Variants in LRMDA observed in about 807,000 individuals in gnomAD.
The protein encoded by LRMDA is leucine-rich melanocyte differentiation-associated protein.
Under a neutral mutation model 29.8 loss-of-function variants are expected in LRMDA, and 18 were observed. The ratio of observed to expected loss-of-function variants is 0.60; its 90% CI spans 0.42 to 0.90. LRMDA has a LOEUF of 0.90. Ranked by LOEUF, LRMDA falls within the 40% of genes least tolerant of loss-of-function variation. The pLI, the probability that LRMDA is intolerant of heterozygous loss-of-function variation, is 0.00. For synonymous variants in LRMDA, 125 were observed against 109.4 expected, an observed-to-expected ratio of 1.14 and a Z score of -0.89; for missense variants, 273 against 273.9, an observed-to-expected ratio of 1.00 and a Z score of 0.02.
chr10:75,998,363 G>A (rs980297898), intron 2 of LRMDA, among the ~76,000 whole-genome samples: 2 of 152,090 alleles, frequency 1.3e-5, no homozygotes, highest in African/African-American at 4.8e-5. Context: ...ATAAGTAATC[G>A]ATGGTGTGGC....
intron 2 of LRMDA, among the ~76,000 whole-genome samples, chr10:75,958,306 G>A (rs552577066): frequency 6.6e-6 from 1 of 152,314 alleles, no homozygotes; most frequent in Admixed American, 6.5e-5. Flanking sequence ...GAATAGGTCT[G>A]TAACTAGGTA....
At chr10:76,532,985 C>G (rs1843250881) in intron 6 of LRMDA, among the ~76,000 whole-genome samples, 1 of 152,052 alleles carries the variant, frequency 6.6e-6, no homozygotes, top group Non-Finnish European at 1.5e-5. Flanking sequence ...TGGTGATTCT[C>G]AGAGTTTTAT....
At chr10:76,066,270 T>C (rs993087728) in intron 5 of LRMDA, among the ~76,000 whole-genome samples, 1 of 152,184 alleles carries the variant, frequency 6.6e-6, no homozygotes, top group African/African-American at 2.4e-5. Context: ...GGCTGCCTAG[T>C]GGTACATTAG....
intron 2 of LRMDA, among the ~76,000 whole-genome samples, chr10:75,771,713 T>C (rs918682862): frequency 1.3e-5 from 2 of 152,052 alleles, no homozygotes; most frequent in African/African-American, 4.8e-5. Flanking sequence ...TTTCAGACTT[T>C]CCTTATACCT....
chr10:76,432,917 TGTGCCACCA>T (rs1290855556), intron 6 of LRMDA, among the ~76,000 whole-genome samples: 3 of 152,310 alleles, frequency 2.0e-5, no homozygotes, highest in Middle Eastern at 3.4e-3. Context: ...GGTGGCCATG[TGTGCCACCA>T]GTGCCACCAC....
intron 2 of LRMDA, among the ~76,000 whole-genome samples, chr10:75,726,300 G>A (rs1408705447): frequency 6.6e-6 from 1 of 152,170 alleles, no homozygotes; most frequent in African/African-American, 2.4e-5. Context: ...TTGCAGGTCT[G>A]GTGTCCCAGT....
rs377417584 is a variant in LRMDA at position 76,078,655 on chromosome 10, G to T, written c.516+19872G>T. On this transcript the variant is annotated intron_variant, in intron 5 of 6. Transcript: ENST00000611255. ...TCGAGACCATCCTGGCTAACACGGT[G>T]AAACCCCGTCTCTACTAAAAATACA... Among the ~76,000 whole-genome samples the T allele has an allele frequency of 2.2e-4, 33 of 152,100 alleles. No homozygotes were observed. In the East Asian group the frequency reaches 6.5e-3, roughly 30 times the overall value.
intron 1 of LRMDA, among the ~76,000 whole-genome samples, chr10:75,431,997 TCCTTCTGCCCTTAGCG>T (rs1198933711): frequency 1.3e-5 from 2 of 152,178 alleles, no homozygotes; most frequent in Non-Finnish European, 2.9e-5. Flanking sequence ...TCTCCCCACT[TCCTTCTGCCCTTAGCG>T]CCTCACTGAG....
intron 1 of LRMDA, among the ~76,000 whole-genome samples, chr10:75,434,593 A>G (rs528657980): frequency 1.4e-4 from 22 of 152,246 alleles, no homozygotes; most frequent in Non-Finnish European, 2.2e-4. Context: ...ACACTTATTT[A>G]TTTATGAATG....
intron 2 of LRMDA, among the ~76,000 whole-genome samples, chr10:75,919,918 C>T (rs770928548): frequency 6.6e-6 from 1 of 152,064 alleles, no homozygotes; most frequent in Non-Finnish European, 1.5e-5. Context: ...CCTTGATTTT[C>T]AGAAACGCAT....
At chr10:76,441,058 C>T (rs774868753) in intron 6 of LRMDA, among the ~76,000 whole-genome samples, 40 of 152,056 alleles carry the variant, frequency 2.6e-4, no homozygotes, top group African/African-American at 8.5e-4. Flanking sequence ...GTAAATCTTC[C>T]GCTTGCATTC....
At chr10:75,865,489 T>C (rs1408973838) in intron 2 of LRMDA, among the ~76,000 whole-genome samples, 1 of 152,206 alleles carries the variant, frequency 6.6e-6, no homozygotes, top group Non-Finnish European at 1.5e-5. Flanking sequence ...TCTATGGTGA[T>C]TAAAATCTAT....
intron 6 of LRMDA, among the ~76,000 whole-genome samples, chr10:76,377,706 C>T (rs1321439954): frequency 2.0e-5 from 3 of 152,128 alleles, no homozygotes; most frequent in Non-Finnish European, 4.4e-5. Flanking sequence ...GGCACTATGT[C>T]TGGGTTTTCT....
intron 2 of LRMDA, among the ~76,000 whole-genome samples, chr10:75,497,908 C>T (rs1359267102): frequency 6.6e-6 from 1 of 152,110 alleles, no homozygotes; most frequent in Non-Finnish European, 1.5e-5. Context: ...ATTTTCACTT[C>T]TCTTGAGCAA....
chr10:75,690,574 C>T (rs768343262), intron 2 of LRMDA, among the ~76,000 whole-genome samples: 1 of 152,082 alleles, frequency 6.6e-6, no homozygotes, highest in Non-Finnish European at 1.5e-5. Context: ...CCTGAGCTCC[C>T]AAGTTGTGGG....
chr10:75,953,269 C>T (rs1425153986), intron 2 of LRMDA, among the ~76,000 whole-genome samples: 1 of 151,760 alleles, frequency 6.6e-6, no homozygotes, highest in Non-Finnish European at 1.5e-5. Flanking sequence ...ATAGAGATAG[C>T]GGTCTCACTA....
intron 2 of LRMDA, among the ~76,000 whole-genome samples, chr10:76,014,716 AAGCTTAG>A (rs1589289559): frequency 6.6e-6 from 1 of 152,190 alleles, no homozygotes; most frequent in East Asian, 1.9e-4. Context: ...GCTCCTTCTA[AAGCTTAG>A]GCTTTAGGAG....
chr10:76,234,985 T>A (rs1564695083), intron 5 of LRMDA, among the ~76,000 whole-genome samples: 1 of 152,260 alleles, frequency 6.6e-6, no homozygotes, highest in Non-Finnish European at 1.5e-5. Flanking sequence ...ATTCACTGTT[T>A]GGCTAATCGT....
At chr10:76,055,678 C>G (rs1317258807) in intron 4 of LRMDA, among the ~76,000 whole-genome samples, 1 of 152,218 alleles carries the variant, frequency 6.6e-6, no homozygotes, top group Non-Finnish European at 1.5e-5. Context: ...TGCATACAGC[C>G]AGGCATGCTG....
Sources: allele counts gnomAD v4.1 joint callset (sites outside exome capture counted in the v4.1 genomes callset), GRCh38; gene constraint gnomAD v4.1.1; transcripts MANE v1.5; gene names NCBI Gene and HGNC (gene_info 2026-07-23, HGNC 2026-07-21).